The following CDK14 variants were observed in gnomAD, a reference collection of about 807,000 sequenced individuals.
CDK14 encodes the protein cyclin dependent kinase 14.
CDK14 carries 34 observed loss-of-function variants against 60.7 expected under a neutral mutation model. That is an observed-to-expected ratio of 0.56 (90% confidence interval 0.43 to 0.75). The LOEUF is 0.75. Ranked by LOEUF, CDK14 falls within the 30% of genes least tolerant of loss-of-function variation. The pLI is 0.00. For missense variants in CDK14, 482 were observed against 564.1 expected, an observed-to-expected ratio of 0.85 and a Z score of 1.47; for synonymous variants, 197 against 203.7, an observed-to-expected ratio of 0.97 and a Z score of 0.28.
intron 11 of CDK14, among the ~76,000 whole-genome samples, chr7:91,057,192 C>A (rs976303209): frequency 1.4e-4 from 22 of 152,162 alleles, no homozygotes; most frequent in Non-Finnish European, 2.8e-4. Flanking sequence ...TGCCTTTTGG[C>A]TGCATAAATG....
At chr7:90,857,662 A>T (rs566851937) in intron 5 of CDK14, among the ~76,000 whole-genome samples, 116 of 152,160 alleles carry the variant, frequency 7.6e-4, no homozygotes, top group Non-Finnish European at 1.4e-3. Flanking sequence ...TGTGTTTATG[A>T]TATTATTAGG....
At chr7:90,742,310 G>A (rs1481809458) in intron 3 of CDK14, among the ~76,000 whole-genome samples, 2 of 151,786 alleles carry the variant, frequency 1.3e-5, no homozygotes, top group Non-Finnish European at 2.9e-5. Context: ...GTCAATTTGG[G>A]TAATTAATTT....
chr7:91,195,244 T>C (rs1802498215), intron 14 of CDK14, among the ~76,000 whole-genome samples: 1 of 152,238 alleles, frequency 6.6e-6, no homozygotes, highest in Non-Finnish European at 1.5e-5. Context: ...ATTATTGCAG[T>C]TGCTCTTTAA....
chr7:90,679,105 A>G (rs754231853), intron 2 of CDK14, among the ~76,000 whole-genome samples: 1 of 152,114 alleles, frequency 6.6e-6, no homozygotes, highest in Non-Finnish European at 1.5e-5. Flanking sequence ...ACACGCCACC[A>G]TGCCCGGCTA....
At chr7:90,739,820 A>C (rs1803270731) in intron 3 of CDK14, among the ~76,000 whole-genome samples, 1 of 152,184 alleles carries the variant, frequency 6.6e-6, no homozygotes, top group Non-Finnish European at 1.5e-5. Flanking sequence ...ATTGAAGATC[A>C]TTTTATACTG....
In CDK14 at chr7:91,076,842, C is replaced by T. The variant is rs111364922; in HGVS notation, c.1106-2590C>T. On this transcript the variant is annotated intron_variant, in intron 11 of 14. Coordinates refer to ENST00000380050, the MANE Select transcript of CDK14 (RefSeq NM_001287135.2). The stretch of plus-strand genomic sequence containing the variant: ...CCCATCAAAAAGTGGGCAAAGGATA[C>T]AAACAGAAATTTCTCAAAAGAAGAC... Among the ~76,000 whole-genome samples the T allele has an allele frequency of 7.6e-3, 1,156 of 152,040 alleles. 18 individuals are homozygous for T. Among genetic ancestry groups the T allele is most frequent in the African/African-American group, 0.026 (1,095 of 41,494 alleles).
intron 2 of CDK14, among the ~76,000 whole-genome samples, chr7:90,630,419 T>TA (rs1311298570): frequency 6.6e-6 from 1 of 152,192 alleles, no homozygotes; most frequent in Non-Finnish European, 1.5e-5. Flanking sequence ...AAGGTATAGT[T>TA]AAAATATGAT....
chr7:90,625,626 G>A lies in CDK14; in HGVS notation c.123+21377G>A, dbSNP rs142985164. On this transcript the variant is annotated intron_variant, in intron 2 of 14. Coordinates refer to ENST00000380050, the MANE Select transcript of CDK14 (RefSeq NM_001287135.2). The stretch of plus-strand genomic sequence containing the variant: ...AAAATATTGTGTTATATCATGTCTA[G>A]GAAATTCATTATAGGCCTTTCTAAG... Among the ~76,000 whole-genome samples the A allele has an allele frequency of 1.4e-3, 207 of 152,144 alleles. 1 individual carries two copies. The highest frequency in any genetic ancestry group is 4.9e-3 in the African/African-American group (203 of 41,490).
chr7:90,770,732 C>A (rs370746805), intron 4 of CDK14, among the ~76,000 whole-genome samples: 1 of 152,304 alleles, frequency 6.6e-6, no homozygotes, highest in South Asian at 2.1e-4. Flanking sequence ...TCATGATAGA[C>A]CCCTTCACGC....
intron 5 of CDK14, among the ~76,000 whole-genome samples, chr7:90,811,228 T>A (rs1030749503): frequency 6.6e-6 from 1 of 152,124 alleles, no homozygotes; most frequent in Non-Finnish European, 1.5e-5. Flanking sequence ...ACTACAAGGC[T>A]ACAGTAACCA....
chr7:90,844,683 G>C (rs1989789), intron 5 of CDK14, among the ~76,000 whole-genome samples: 52,679 of 152,016 alleles, frequency 0.35, 9,777 homozygotes, highest in East Asian at 0.66. Context: ...CCTCTCTGCA[G>C]TCAACAAATG....
At chr7:90,998,650 A>G (rs1267875535) in intron 10 of CDK14, among the ~76,000 whole-genome samples, 2 of 152,328 alleles carry the variant, frequency 1.3e-5, no homozygotes, top group East Asian at 3.9e-4. Context: ...GCACTTTGGG[A>G]GGCCCAGGTG....
At chr7:90,817,084 T>C (rs964595093) in intron 5 of CDK14, among the ~76,000 whole-genome samples, 4 of 152,206 alleles carry the variant, frequency 2.6e-5, no homozygotes, top group Non-Finnish European at 5.9e-5. Context: ...TCTCTGTATT[T>C]TATATTTTCT....
intron 11 of CDK14, among the ~76,000 whole-genome samples, chr7:91,061,837 C>T (rs1432147812): frequency 6.6e-6 from 1 of 152,230 alleles, no homozygotes; most frequent in African/African-American, 2.4e-5. Context: ...AGTTAGGCTA[C>T]TTGGGGGTCA....
intron 3 of CDK14, among the ~76,000 whole-genome samples, chr7:90,735,312 C>A (rs1803047848): frequency 6.6e-6 from 1 of 152,226 alleles, no homozygotes. Flanking sequence ...AGGAGGCAGT[C>A]TGTCCCTTAT....
intron 2 of CDK14, among the ~76,000 whole-genome samples, chr7:90,713,441 CCCTAACTGTTTTTCTGTCCT>C (rs1433297894): frequency 6.7e-6 from 1 of 150,094 alleles, no homozygotes; most frequent in Admixed American, 6.7e-5. Flanking sequence ...CTTTCTATCC[CCCTAACTGTTTTTCTGTCCT>C]CCTAACTGTT....
chr7:91,172,547 T>A (rs1229864769), intron 14 of CDK14, among the ~76,000 whole-genome samples: 1 of 152,214 alleles, frequency 6.6e-6, no homozygotes, highest in Middle Eastern at 3.2e-3. Flanking sequence ...CACTTCCTGA[T>A]TAGAAATGTT....
intron 5 of CDK14, among the ~76,000 whole-genome samples, chr7:90,861,799 C>T (rs1285622002): frequency 6.6e-6 from 1 of 152,096 alleles, no homozygotes; most frequent in Non-Finnish European, 1.5e-5. Context: ...AGATTAGGAA[C>T]CAGTTCGTTC....
intron 4 of CDK14, among the ~76,000 whole-genome samples, chr7:90,783,229 C>T (rs1348768210): frequency 6.6e-6 from 1 of 151,994 alleles, no homozygotes; most frequent in East Asian, 1.9e-4. Flanking sequence ...TGAATATGCC[C>T]TTCCCTCATT....
Sources: allele counts gnomAD v4.1 joint callset (sites outside exome capture counted in the v4.1 genomes callset), GRCh38; gene constraint gnomAD v4.1.1; transcripts MANE v1.5; gene names NCBI Gene and HGNC (gene_info 2026-07-23, HGNC 2026-07-21).